Variants in VPS13B observed in about 807,000 individuals in gnomAD.
VPS13B encodes vacuolar protein sorting 13 homolog B, also known as intermembrane lipid transfer protein VPS13B.
In VPS13B, 285 loss-of-function variants were observed where a neutral mutation model predicts 426.4. That is an observed-to-expected ratio of 0.67 (90% CI 0.61 to 0.74). The LOEUF (loss-of-function observed/expected upper bound fraction) is 0.74, where lower values mean the gene tolerates loss of function less well. Ranked by LOEUF, VPS13B falls within the 30% of genes least tolerant of loss-of-function variation. VPS13B has a pLI of 0.00. For missense variants in VPS13B, 4,537 were observed against 4,782.6 expected, an observed-to-expected ratio of 0.95 and a Z score of 1.51; for synonymous variants, 1,676 against 1,676.4, an observed-to-expected ratio of 1.00 and a Z score of 0.01.
chr8:99,305,612 C>G (rs73285990), intron 19 of VPS13B, among the ~76,000 whole-genome samples: 3,364 of 152,114 alleles, frequency 0.022, 106 homozygotes, highest in African/African-American at 0.072. Context: ...ATGAACAGTT[C>G]AAATACAGGG....
At chr8:99,250,668 T>C (rs921950511) in intron 17 of VPS13B, among the ~76,000 whole-genome samples, 3 of 16,470 alleles carry the variant, frequency 1.8e-4, no homozygotes, top group Non-Finnish European at 4.1e-4. Context: ...TTTATTCTTT[T>C]TTTTTTTTTT....
intron 33 of VPS13B, among the ~76,000 whole-genome samples, chr8:99,602,713 A>C (rs1470629805): frequency 1.3e-5 from 2 of 152,234 alleles, no homozygotes; most frequent in Non-Finnish European, 2.9e-5. Flanking sequence ...ATGTGCAAAA[A>C]TCACAAGCAT....
In VPS13B at chr8:99,013,753, C is replaced by T. The variant is rs897138338; in HGVS notation, c.-29-7C>T. On this transcript the variant is annotated splice_region_variant and splice_polypyrimidine_tract_variant and intron_variant, in intron 1 of 61. Transcript: ENST00000357162. ...CGACTTCTAACGTTTCTGTCTACTC[C>T]TTTCAGCTTCCGACTTCGACTCCTT... The T allele has an allele frequency of 2.5e-6, 4 of 1,613,636 alleles. No individual in the cohort carries two copies. In the African/African-American group the frequency reaches 4.0e-5, roughly 16 times the overall value.
chr8:99,114,209 G>A (rs1847530672), intron 6 of VPS13B, among the ~76,000 whole-genome samples: 1 of 149,896 alleles, frequency 6.7e-6, no homozygotes, highest in South Asian at 2.1e-4. Context: ...ATTTAACCAG[G>A]TTATACTCAC....
At chr8:99,757,629 C>A (rs914063567) in intron 39 of VPS13B, among the ~76,000 whole-genome samples, 1 of 152,168 alleles carries the variant, frequency 6.6e-6, no homozygotes, top group Non-Finnish European at 1.5e-5. Context: ...CCAAAATATT[C>A]TTTGTACCAA....
At chr8:99,087,822 A>T (rs1297194049) in intron 3 of VPS13B, among the ~76,000 whole-genome samples, 1 of 151,946 alleles carries the variant, frequency 6.6e-6, no homozygotes, top group Non-Finnish European at 1.5e-5. Flanking sequence ...TCTAGTACAC[A>T]TTCAGCTTTC....
intron 19 of VPS13B, among the ~76,000 whole-genome samples, chr8:99,334,871 A>C (rs1157016425): frequency 6.6e-6 from 1 of 152,170 alleles, no homozygotes; most frequent in Non-Finnish European, 1.5e-5. Flanking sequence ...CACTGGCCTC[A>C]TAAAATGAGT....
At chr8:99,406,295 A>G (rs1815329281) in intron 21 of VPS13B, among the ~76,000 whole-genome samples, 1 of 150,118 alleles carries the variant, frequency 6.7e-6, no homozygotes, top group African/African-American at 2.5e-5. Flanking sequence ...TCATTTTTGT[A>G]TTCCCAGAGT....
chr8:99,160,248 G>A (rs558455203), intron 15 of VPS13B, among the ~76,000 whole-genome samples: 1 of 152,250 alleles, frequency 6.6e-6, no homozygotes, highest in South Asian at 2.1e-4. Flanking sequence ...AACCTCAAAT[G>A]TTGAACAATA....
intron 19 of VPS13B, among the ~76,000 whole-genome samples, chr8:99,292,375 G>T (rs1440518799): frequency 2.0e-5 from 3 of 152,070 alleles, no homozygotes; most frequent in African/African-American, 7.2e-5. Flanking sequence ...TTGAAATCCT[G>T]GGAAAATAAG....
intron 34 of VPS13B, among the ~76,000 whole-genome samples, chr8:99,645,617 T>C (rs955109256): frequency 1.3e-5 from 2 of 152,248 alleles, no homozygotes; most frequent in African/African-American, 4.8e-5. Flanking sequence ...TTTGGCTTCA[T>C]GGAGTTGACA....
chr8:99,852,407 G>C (rs1453829835), intron 55 of VPS13B, among the ~76,000 whole-genome samples: 4 of 152,192 alleles, frequency 2.6e-5, no homozygotes. Context: ...GAAGATGGGG[G>C]TGAGAAGAGG....
intron 3 of VPS13B, among the ~76,000 whole-genome samples, chr8:99,070,541 A>G (rs1587994992): frequency 6.6e-6 from 1 of 152,182 alleles, no homozygotes; most frequent in East Asian, 1.9e-4. Context: ...AAATAATTCA[A>G]ATGGTACAGA....
At chr8:99,303,563 G>A (rs1475372034) in intron 19 of VPS13B, among the ~76,000 whole-genome samples, 2 of 150,768 alleles carry the variant, frequency 1.3e-5, no homozygotes, top group Non-Finnish European at 3.0e-5. Context: ...ACTCTGCACA[G>A]CCCCACGTGT....
chr8:99,467,330 A>G, intron 23 of VPS13B, 84 bp from the exon 24 acceptor site: 1 of 1,356,536 alleles, frequency 7.4e-7, no homozygotes. Context: ...ATAAATGTTA[A>G]ATGTTTTACA....
At chr8:99,319,849 A>G (rs182065691) in intron 19 of VPS13B, among the ~76,000 whole-genome samples, 49 of 152,340 alleles carry the variant, frequency 3.2e-4, no homozygotes, top group Middle Eastern at 3.4e-3. Context: ...AATATCTCAC[A>G]GAGTTGTTTT....
chr8:99,785,200 T>A (rs1812202224), intron 43 of VPS13B, among the ~76,000 whole-genome samples: 1 of 152,176 alleles, frequency 6.6e-6, no homozygotes, highest in South Asian at 2.1e-4. Flanking sequence ...TAGTCTTAAG[T>A]GAGCAAAAGA....
chr8:99,540,166 G>A (rs1330925148), intron 30 of VPS13B, among the ~76,000 whole-genome samples: 2 of 133,802 alleles, frequency 1.5e-5, no homozygotes, highest in South Asian at 2.7e-4. Context: ...TGCAAACTCC[G>A]CCTCCTGGGT....
intron 34 of VPS13B, among the ~76,000 whole-genome samples, chr8:99,643,246 G>C (rs1829443583): frequency 6.6e-6 from 1 of 152,136 alleles, no homozygotes; most frequent in Non-Finnish European, 1.5e-5. Flanking sequence ...ACTGGAGAGG[G>C]TAGCTGGGTC....
Sources: allele counts gnomAD v4.1 joint callset (sites outside exome capture counted in the v4.1 genomes callset), GRCh38; gene constraint gnomAD v4.1.1; transcripts MANE v1.5; gene names NCBI Gene and HGNC (gene_info 2026-07-23, HGNC 2026-07-21).